Variants in PTPRD observed in about 807,000 individuals in gnomAD.
PTPRD encodes the protein protein tyrosine phosphatase receptor type D, also known as receptor-type tyrosine-protein phosphatase delta.
PTPRD carries 34 observed loss-of-function variants against 214.5 expected under a neutral mutation model. The ratio of observed to expected loss-of-function variants is 0.16; its 90% CI spans 0.12 to 0.21. The LOEUF (loss-of-function observed/expected upper bound fraction) is 0.21, where lower values mean the gene tolerates loss of function less well. PTPRD is among the 10% of genes least tolerant of loss of function. PTPRD has a pLI of 1.00. For missense variants in PTPRD, 2,545 were observed against 2,398.7 expected, an observed-to-expected ratio of 1.06 and a Z score of -1.27; for synonymous variants, 1,128 against 845.7, an observed-to-expected ratio of 1.33 and a Z score of -5.79.
chr9:9,678,106 G>A lies in PTPRD; in HGVS notation c.-287+56427C>T, dbSNP rs538676311. On this transcript the variant is annotated intron_variant, in intron 7 of 45. Coordinates refer to ENST00000381196, the MANE Select transcript of PTPRD (RefSeq NM_002839.4). ...ATGGAAGAACATTCCATGCTCATGGGTAGGAAGAATCAATATCGTGAAAAT... is the reference window on the plus strand; with the variant it reads ...ATGGAAGAACATTCCATGCTCATGGATAGGAAGAATCAATATCGTGAAAAT... 2.6e-3 allele frequency among the ~76,000 whole-genome samples: 399 copies of A among 152,052 alleles called. 2 individuals carry two copies. The highest frequency in any genetic ancestry group is 9.0e-3 in the African/African-American group (375 of 41,466).
chr9:10,434,832 T>A (rs2098706706), intron 2 of PTPRD, among the ~76,000 whole-genome samples: 2 of 151,878 alleles, frequency 1.3e-5, no homozygotes, highest in South Asian at 4.1e-4. Context: ...TCTGCCACTT[T>A]TATGAATCTT....
chr9:10,407,799 C>G (rs1017472379), intron 2 of PTPRD, among the ~76,000 whole-genome samples: 1 of 151,382 alleles, frequency 6.6e-6, no homozygotes, highest in Admixed American at 6.6e-5. Context: ...TGGTAACCTG[C>G]TAGAAGGAAA....
At chr9:9,020,288 T>G (rs899750664) in intron 10 of PTPRD, among the ~76,000 whole-genome samples, 1 of 152,184 alleles carries the variant, frequency 6.6e-6, no homozygotes, top group Non-Finnish European at 1.5e-5. Context: ...GTATAAACCA[T>G]TCAATAAATT....
intron 5 of PTPRD, among the ~76,000 whole-genome samples, chr9:9,793,646 A>C (rs1293678196): frequency 6.6e-6 from 1 of 152,084 alleles, no homozygotes; most frequent in Non-Finnish European, 1.5e-5. Context: ...ATCAAGCGGG[A>C]AAAATTTTTT....
intron 2 of PTPRD, among the ~76,000 whole-genome samples, chr9:10,363,637 T>C (rs2097440434): frequency 6.6e-6 from 1 of 152,212 alleles, no homozygotes; most frequent in African/African-American, 2.4e-5. Flanking sequence ...GCAAGATATC[T>C]TACAGTTAAA....
rs143125555 is a variant in PTPRD, at chr9:10,190,098, G to A, written c.-545+150865C>T. Among the ~76,000 whole-genome samples the A allele has an allele frequency of 2.5e-3, 383 of 152,188 alleles. 1 individual carries two copies. Among genetic ancestry groups the A allele is most frequent in the African/African-American group, 8.8e-3 (364 of 41,532 alleles). ...AAGTCAAAGTGGGGCCAGGCGCGGTGGGTCACGCCCGTAATCCCAGCATTT... is the reference window on the plus strand; with the variant it reads ...AAGTCAAAGTGGGGCCAGGCGCGGTAGGTCACGCCCGTAATCCCAGCATTT... On this transcript the variant is annotated intron_variant, in intron 3 of 45. Coordinates refer to ENST00000381196, the MANE Select transcript of PTPRD (RefSeq NM_002839.4).
intron 10 of PTPRD, among the ~76,000 whole-genome samples, chr9:9,052,000 C>CA (rs1025065176): frequency 1.4e-4 from 21 of 152,136 alleles, no homozygotes; most frequent in Non-Finnish European, 8.8e-5. Context: ...ATTGCTATAA[C>CA]AAAAATACCA....
intron 9 of PTPRD, among the ~76,000 whole-genome samples, chr9:9,321,894 C>T (rs1210551742): frequency 6.6e-6 from 1 of 152,062 alleles, no homozygotes; most frequent in Non-Finnish European, 1.5e-5. Context: ...TGGTAATAGA[C>T]CTAATTAACT....
At chr9:10,196,280 A>T (rs1432312665) in intron 3 of PTPRD, among the ~76,000 whole-genome samples, 1 of 152,180 alleles carries the variant, frequency 6.6e-6, no homozygotes, top group Non-Finnish European at 1.5e-5. Context: ...ACATACAATC[A>T]GTTACAAGAT....
chr9:10,575,003 A>G (rs1045903640), intron 2 of PTPRD, among the ~76,000 whole-genome samples: 1 of 151,814 alleles, frequency 6.6e-6, no homozygotes, highest in African/African-American at 2.4e-5. Context: ...ACAAAGAAAA[A>G]AATCATCAGG....
chr9:10,047,916 T>C (rs291256), intron 3 of PTPRD, among the ~76,000 whole-genome samples: 8,757 of 152,218 alleles, frequency 0.058, 884 homozygotes, highest in African/African-American at 0.2. Flanking sequence ...ACTACCCACC[T>C]TACTCTATTT....
rs762045164 is a variant in PTPRD at position 8,340,482 on chromosome 9, G to A, written c.5127-13C>T. The A allele has an allele frequency of 2.6e-6, 4 of 1,552,986 alleles. No homozygotes were observed. The highest frequency in any genetic ancestry group is 3.5e-6 in the Non-Finnish European group (4 of 1,137,102). The stretch of plus-strand genomic sequence containing the variant: ...GGCTTTCTGTTGTCTGAATTACAGA[G>A]AATGAAAAGAATGTGTTAAAGTATT... On this transcript the variant is annotated splice_polypyrimidine_tract_variant and intron_variant, in intron 41 of 45. Coordinates refer to ENST00000381196, the MANE Select transcript of PTPRD (RefSeq NM_002839.4).
intron 7 of PTPRD, among the ~76,000 whole-genome samples, chr9:9,659,843 G>C (rs967160178): frequency 1.3e-5 from 2 of 151,910 alleles, no homozygotes; most frequent in Admixed American, 1.3e-4. Flanking sequence ...AAGATAAACA[G>C]AACAGGAATA....
chr9:8,613,587 C>A (rs1193215129), intron 14 of PTPRD, among the ~76,000 whole-genome samples: 1 of 152,152 alleles, frequency 6.6e-6, no homozygotes, highest in African/African-American at 2.4e-5. Context: ...GCCTCTCTAG[C>A]ACCCCCAGAA....
chr9:8,940,078 A>G (rs1427940820), intron 11 of PTPRD, among the ~76,000 whole-genome samples: 5 of 147,138 alleles, frequency 3.4e-5, no homozygotes, highest in Non-Finnish European at 7.5e-5. Context: ...AAAAAAAAAA[A>G]GAAGACTTAC....
intron 3 of PTPRD, among the ~76,000 whole-genome samples, chr9:10,138,373 T>A (rs1325984532): frequency 1.3e-5 from 2 of 151,434 alleles, no homozygotes; most frequent in African/African-American, 2.4e-5. Context: ...AATAACGAGT[T>A]CCAAAATTAA....
chr9:9,607,614 C>T (rs955062695), intron 7 of PTPRD, among the ~76,000 whole-genome samples: 19 of 152,018 alleles, frequency 1.2e-4, no homozygotes, highest in Admixed American at 2.0e-4. Context: ...GAATTTGAAA[C>T]GCCTGAGAGG....
chr9:8,922,830 T>G (rs988458743), intron 11 of PTPRD, among the ~76,000 whole-genome samples: 3 of 144,340 alleles, frequency 2.1e-5, no homozygotes, highest in African/African-American at 5.2e-5. Context: ...TTTTTTTTTG[T>G]ATTTTTGTAT....
intron 14 of PTPRD, among the ~76,000 whole-genome samples, chr9:8,588,404 G>A (rs998143024): frequency 6.6e-6 from 1 of 152,164 alleles, no homozygotes; most frequent in Non-Finnish European, 1.5e-5. Context: ...TAACCAAAAT[G>A]TGTTTTGGAA....
Sources: allele counts gnomAD v4.1 joint callset (sites outside exome capture counted in the v4.1 genomes callset), GRCh38; gene constraint gnomAD v4.1.1; transcripts MANE v1.5; gene names NCBI Gene and HGNC (gene_info 2026-07-23, HGNC 2026-07-21).